DENND2B: variants seen among roughly 807,000 people sequenced by gnomAD.
The protein encoded by DENND2B is DENN domain containing 2B, also known as DENN domain-containing protein 2B.
In DENND2B, 32 loss-of-function variants were observed where a neutral mutation model predicts 116.0. The observed-to-expected ratio is 0.28, with a 90% confidence interval of 0.21 to 0.37. The LOEUF (loss-of-function observed/expected upper bound fraction) is 0.37, where lower values mean the gene tolerates loss of function less well. Ranked by LOEUF, DENND2B falls within the 10% of genes least tolerant of loss-of-function variation. DENND2B has a pLI of 1.00. For missense variants in DENND2B, 1,276 were observed against 1,477.7 expected (o/e 0.86, Z 2.24); for synonymous variants, 588 against 583.9 (o/e 1.01, Z -0.10).
chr11:8,856,344 T>G (rs2063192441), intron 3 of DENND2B, among the ~76,000 whole-genome samples: 1 of 152,250 alleles, frequency 6.6e-6, no homozygotes, highest in African/African-American at 2.4e-5. Flanking sequence ...CTCACTTTTA[T>G]GCTGACTTTC....
chr11:8,719,977 A>G (rs1163444768), intron 4 of DENND2B, among the ~76,000 whole-genome samples: 2 of 152,174 alleles, frequency 1.3e-5, no homozygotes, highest in Non-Finnish European at 2.9e-5. Flanking sequence ...TGTCCTGTCC[A>G]TTTTTAGGAT....
At chr11:8,886,889 T>C (rs753401842) in intron 1 of DENND2B, among the ~76,000 whole-genome samples, 1 of 152,058 alleles carries the variant, frequency 6.6e-6, no homozygotes, top group African/African-American at 2.4e-5. Context: ...AGTGCAATGG[T>C]GCAATCTTGG....
chr11:8,724,848 G>C (rs1277757038), intron 4 of DENND2B, among the ~76,000 whole-genome samples: 1 of 152,226 alleles, frequency 6.6e-6, no homozygotes, highest in Non-Finnish European at 1.5e-5. Flanking sequence ...TCTCCTCCAA[G>C]GACAAAGGTT....
At position 8,730,889 on chromosome 11, in the gene DENND2B, A is replaced by C; in HGVS notation, c.401T>G (p.Leu134Arg). Residue 134 changes from leucine to arginine, a missense_variant, in exon 3 of 20, where the codon CTT (leucine) becomes CGT (arginine). Leu to Arg is a moderately radical substitution (Grantham distance 102). Coordinates refer to ENST00000313726, the MANE Select transcript of DENND2B (RefSeq NM_213618.2). The surrounding 1 kb of genome is among the most constrained non-coding windows in gnomAD (Gnocchi z 4.1). Reference sequence around the variant, plus strand: ...CCCCGGGAATGGCGTGCTCTGGGCAAGGGGGAGGCAGGCAGCGACCCCTGC... The same window carrying C: ...CCCCGGGAATGGCGTGCTCTGGGCACGGGGGAGGCAGGCAGCGACCCCTGC... ...DVAGVAACLP[L>R]AQSTPFPGPA... The C allele has an allele frequency of 6.2e-7, 1 of 1,613,894 alleles. No homozygotes were observed. The highest frequency in any genetic ancestry group is 8.5e-7 in the Non-Finnish European group (1 of 1,180,020).
chr11:8,801,676 C>CA (rs72118090), intron 1 of DENND2B, among the ~76,000 whole-genome samples: 1,273 of 123,848 alleles, frequency 0.01, 9 homozygotes, highest in African/African-American at 0.024. Context: ...GACTTTGTCT[C>CA]AAAAAAAAAA....
chr11:8,899,668 G>C (rs1290972892), intron 1 of DENND2B, among the ~76,000 whole-genome samples: 1 of 152,170 alleles, frequency 6.6e-6, no homozygotes, highest in African/African-American at 2.4e-5. Context: ...GAAAAAATTT[G>C]TTGTTGCCAG....
At chr11:8,902,922 C>T (rs1188248290) in intron 1 of DENND2B, among the ~76,000 whole-genome samples, 1 of 152,106 alleles carries the variant, frequency 6.6e-6, no homozygotes, top group Non-Finnish European at 1.5e-5. Flanking sequence ...CACAGTGGTG[C>T]AATCTCGGCT....
At chr11:8,753,078 G>T (rs1593176024) in intron 1 of DENND2B, among the ~76,000 whole-genome samples, 1 of 151,924 alleles carries the variant, frequency 6.6e-6, no homozygotes, top group East Asian at 1.9e-4. Flanking sequence ...CTCTACTAAA[G>T]ATACAAAAAT....
At chr11:8,757,510 T>C (rs910600171) in intron 1 of DENND2B, among the ~76,000 whole-genome samples, 1 of 152,094 alleles carries the variant, frequency 6.6e-6, no homozygotes, top group African/African-American at 2.4e-5. Context: ...CATCAGAAGG[T>C]GACATTTGGA....
intron 11 of DENND2B, among the ~76,000 whole-genome samples, chr11:8,709,229 C>G (rs1304167020): frequency 6.6e-6 from 1 of 152,234 alleles, no homozygotes; most frequent in African/African-American, 2.4e-5. Context: ...CATATTAGGC[C>G]TGAAACTCAC....
chr11:8,807,484 A>G (rs1426037542), intron 1 of DENND2B, among the ~76,000 whole-genome samples: 1 of 152,202 alleles, frequency 6.6e-6, no homozygotes, highest in African/African-American at 2.4e-5. Flanking sequence ...TTCCAGGGAA[A>G]GAGGCTGAAC....
intron 1 of DENND2B, chr11:8,776,131 GACACGCACGTGCGCGC>G (rs2057593709): frequency 4.1e-6 from 1 of 245,230 alleles, no homozygotes; most frequent in Non-Finnish European, 8.8e-6. Flanking sequence ...CATGCACACA[GACACGCACGTGCGCGC>G]ACGCGCGCGC....
intron 2 of DENND2B, among the ~76,000 whole-genome samples, chr11:8,870,180 G>A (rs1296194949): frequency 6.6e-6 from 1 of 152,074 alleles, no homozygotes; most frequent in Admixed American, 6.5e-5. Context: ...GCTGTACTAA[G>A]GCAAATTTTC....
intron 11 of DENND2B, among the ~76,000 whole-genome samples, chr11:8,709,759 T>C (rs1054078054): frequency 6.6e-6 from 1 of 152,190 alleles, no homozygotes; most frequent in African/African-American, 2.4e-5. Flanking sequence ...GGGATAATAA[T>C]AACCCATGGG....
chr11:8,904,993 A>G (rs1313574014), intron 1 of DENND2B, among the ~76,000 whole-genome samples: 1 of 152,168 alleles, frequency 6.6e-6, no homozygotes, highest in East Asian at 1.9e-4. Context: ...TAATCTGTGA[A>G]TTCAATATAA....
At chr11:8,850,553 G>A (rs945977952) in intron 3 of DENND2B, among the ~76,000 whole-genome samples, 4 of 151,840 alleles carry the variant, frequency 2.6e-5, no homozygotes, top group Non-Finnish European at 5.9e-5. Flanking sequence ...AATAAGTGTT[G>A]GAGAGGATGT....
intron 1 of DENND2B, among the ~76,000 whole-genome samples, chr11:8,802,073 G>A (rs2060396974): frequency 6.6e-6 from 1 of 151,572 alleles, no homozygotes; most frequent in Non-Finnish European, 1.5e-5. Context: ...GGCCTAGGCA[G>A]GTGTATCACC....
intron 1 of DENND2B, among the ~76,000 whole-genome samples, chr11:8,910,436 C>A (rs1422123692): frequency 1.3e-5 from 2 of 151,992 alleles, no homozygotes; most frequent in Non-Finnish European, 2.9e-5. Context: ...CTCTGTCGCC[C>A]AGGCTGGAGT....
At chr11:8,904,850 GA>G (rs767933224) in intron 1 of DENND2B, among the ~76,000 whole-genome samples, 59 of 152,028 alleles carry the variant, frequency 3.9e-4, no homozygotes, top group Non-Finnish European at 7.6e-4. Flanking sequence ...TTTGTTAAAA[GA>G]AGTGCAATAT....
Sources: gnomAD v4.1 joint callset for allele counts (sites outside exome capture counted in the v4.1 genomes callset) on GRCh38, gnomAD v4.1.1 for gene constraint, Gnocchi (gnomAD v3.1) non-coding constraint, MANE v1.5 for transcripts, NCBI Gene and HGNC (gene_info 2026-07-23, HGNC 2026-07-21) for gene names.